The following ARHGAP39 variants were observed in gnomAD, a reference collection of about 807,000 sequenced individuals.
ARHGAP39 encodes Rho GTPase activating protein 39.
Under a neutral mutation model 106.9 loss-of-function variants are expected in ARHGAP39, and 44 were observed. The observed-to-expected ratio is 0.41, with a 90% CI of 0.32 to 0.53. ARHGAP39 has a LOEUF of 0.53. Among genes scored for constraint, ARHGAP39 ranks in the 20% least tolerant of loss-of-function variants. The probability of loss-of-function intolerance (pLI) is 0.21; values close to 1 mark genes in which losing one functional copy is unlikely to be tolerated. For synonymous variants in ARHGAP39, 768 were observed against 693.2 expected (o/e 1.11, Z -1.69); for missense variants, 1,496 against 1,577.3 (o/e 0.95, Z 0.87).
At position 144,647,781 on chromosome 8, in the gene ARHGAP39, G is replaced by A. The variant is rs1449152071; in HGVS notation, c.-82+37905C>T. On this transcript the variant is annotated intron_variant, in intron 1 of 11. Coordinates refer to ENST00000377307, the MANE Select transcript of ARHGAP39 (RefSeq NM_025251.3). This position sits in a 1 kb window ranked among gnomAD's most constrained non-coding sequence, Gnocchi z 4.8. ...CTGGAAGCCATGCATGCGTCCACGG[G>A]GACCCCAAGAGAGGGAACCAGAGGG... Among the ~76,000 whole-genome samples, 1 of 152,212 alleles carries A rather than the reference G, an allele frequency of 6.6e-6. No homozygotes were observed. Among genetic ancestry groups the A allele is most frequent in the East Asian group, 1.9e-4 (1 of 5,198 alleles).
the ARHGAP39 span, among the ~76,000 whole-genome samples, chr8:144,696,554 CG>C: frequency 6.6e-6 from 1 of 152,094 alleles, no homozygotes; most frequent in Non-Finnish European, 1.5e-5. Context: ...CTGAGTTGCC[CG>C]TCACGGTTAC....
chr8:144,550,909 T>C (rs954403472), intron 4 of ARHGAP39, among the ~76,000 whole-genome samples: 1 of 152,240 alleles, frequency 6.6e-6, no homozygotes, highest in Non-Finnish European at 1.5e-5. Context: ...TGTTGCTCTG[T>C]GGCTGCAAGG....
intron 1 of ARHGAP39, among the ~76,000 whole-genome samples, chr8:144,666,415 G>A (rs1821963831): frequency 6.6e-6 from 1 of 152,090 alleles, no homozygotes; most frequent in Non-Finnish European, 1.5e-5. Context: ...GAGGGGCCAG[G>A]GGTGGAATGA....
chr8:144,574,206 G>A (rs1818688922), intron 3 of ARHGAP39, among the ~76,000 whole-genome samples: 2 of 151,220 alleles, frequency 1.3e-5, no homozygotes, highest in South Asian at 2.1e-4. Context: ...GGAGGAGGGG[G>A]AAGAAGAAAT....
chr8:144,533,425 CTT>C (rs1333049364), intron 8 of ARHGAP39, 100 bp from the exon 9 acceptor site: 23 of 1,210,074 alleles, frequency 1.9e-5, no homozygotes, highest in Non-Finnish European at 1.3e-5. Flanking sequence ...GGGTGGCGCT[CTT>C]CAGAATTCCT....
At position 144,591,333 on chromosome 8, in the gene ARHGAP39, C is replaced by T. The variant is rs530859904; in HGVS notation, c.81-10056G>A. Among the ~76,000 whole-genome samples, 1 of 152,304 alleles carries T rather than the reference C, an allele frequency of 6.6e-6. No homozygotes were observed. The highest frequency in any genetic ancestry group is 2.4e-5 in the African/African-American group (1 of 41,572). ...AGGACAACGGCAGATGCAGCAGCCT[C>T]AGGGCACCCAAGGAAACCCCAAGAA... On this transcript the variant is annotated intron_variant, in intron 2 of 11. Transcript: ENST00000377307. The surrounding 1 kb of genome is among the most constrained non-coding windows in gnomAD (Gnocchi z 5.3).
rs201879096 is a variant in ARHGAP39 at position 144,547,091 on chromosome 8, G to C, written c.1959+36C>G. ...GTCCACTCTGACTGGGCTGGCCCCAGGCTCTCAAGCTCAGCCGCGCCCATT... is the reference window on the plus strand; with the variant it reads ...GTCCACTCTGACTGGGCTGGCCCCACGCTCTCAAGCTCAGCCGCGCCCATT... On this transcript the variant is annotated intron_variant, in intron 5 of 11. Transcript: ENST00000377307. The surrounding 1 kb of genome is among the most constrained non-coding windows in gnomAD (Gnocchi z 5.2). The C allele has an allele frequency of 2.2e-5, 33 of 1,524,326 alleles. No homozygotes were observed. The highest frequency in any genetic ancestry group is 2.8e-5 in the African/African-American group (2 of 72,472). The allele number at this position is 1,524,326 out of a possible 1,614,324, so 94.4% of individuals were successfully genotyped here.
At position 144,547,503 on chromosome 8, in the gene ARHGAP39, G is replaced by A. The variant is rs1208122246; in HGVS notation, c.1583C>T (p.Pro528Leu). 3 of 1,504,270 alleles carry A rather than the reference G, an allele frequency of 2.0e-6. No individual in the cohort carries two copies. Among genetic ancestry groups the A allele is most frequent in the East Asian group, 4.7e-5 (2 of 42,228 alleles). 93.2% of individuals were successfully genotyped at this position (1,504,270 alleles called of 1,614,324 possible). ...VEQPLAEEQPPCGTSLAPVKR... is the reference protein window; with the variant it reads ...VEQPLAEEQPLCGTSLAPVKR... ...CACGGGGGCGAGGCTGGTCCCGCACGGGGGCTGTTCCTCGGCCAGGGGCTG... is the reference window on the plus strand; with the variant it reads ...CACGGGGGCGAGGCTGGTCCCGCACAGGGGCTGTTCCTCGGCCAGGGGCTG... Residue 528 changes from proline to leucine, a missense_variant, in exon 5 of 12, where the codon CCG becomes CTG. This residue lies in a region of ARHGAP39 where 905 missense variants were observed against 816.4 expected (regional missense o/e 1.11). Transcript: ENST00000377307. The surrounding 1 kb of genome is among the most constrained non-coding windows in gnomAD (Gnocchi z 5.2).
chr8:144,547,877 C>T lies in ARHGAP39; in HGVS notation c.1209G>A (p.Gln403=), dbSNP rs1414760388. Residue 403 remains glutamine, a synonymous_variant, in exon 5 of 12, where the codon CAG becomes CAA. Transcript: ENST00000377307. This position sits in a 1 kb window ranked among gnomAD's most constrained non-coding sequence, Gnocchi z 5.2. ...EYVRQLVYVE[Q]AGSSPKLRAG... ...CGCGCAGCTTGGGGCTGGAGCCCGC[C>T]TGCTCCACGTAGACCAGCTGCCGCA... 5.7e-6 allele frequency: 9 copies of T among 1,584,854 alleles called. No homozygotes were observed. The highest frequency in any genetic ancestry group is 2.7e-5 in the African/African-American group (2 of 74,340).
upstream of ARHGAP39, among the ~76,000 whole-genome samples, chr8:144,685,924 C>A (rs1231304260): frequency 6.7e-6 from 1 of 150,356 alleles, no homozygotes; most frequent in East Asian, 2.0e-4. Flanking sequence ...CTACCCGCCG[C>A]CAGGGGGCAC....
Position 144,580,971 on chromosome 8 carries a change from G to A in ARHGAP39, c.387C>T (p.Ser129=), listed in dbSNP as rs1256681199. The A allele has an allele frequency of 1.2e-6, 2 of 1,600,396 alleles. No individual in the cohort carries two copies. Among genetic ancestry groups the A allele is most frequent in the Admixed American group, 1.7e-5 (1 of 58,802 alleles). The change falls in exon 3 of 12, where the codon AGC becomes AGT. Residue 129 remains serine (S), a synonymous_variant. Transcript: ENST00000377307. ...SAESSPGRGS[S]VSREGSTSSS... ...AGCTGGTGCTGCCCTCACGGCTGAC[G>A]CTGCTGCCGCGCCCGGGGCTGCTCT...
At chr8:144,621,636 G>C (rs934593084) in intron 1 of ARHGAP39, among the ~76,000 whole-genome samples, 2 of 152,228 alleles carry the variant, frequency 1.3e-5, no homozygotes, top group African/African-American at 2.4e-5. Context: ...GCGAAACATA[G>C]TGAAACCCCA....
Position 144,586,090 on chromosome 8 carries a change from T to C in ARHGAP39, c.81-4813A>G, listed in dbSNP as rs1819175238. On this transcript the variant is annotated intron_variant, in intron 2 of 11. Coordinates refer to ENST00000377307, the MANE Select transcript of ARHGAP39 (RefSeq NM_025251.3). This position sits in a 1 kb window ranked among gnomAD's most constrained non-coding sequence, Gnocchi z 4.2. The stretch of plus-strand genomic sequence containing the variant: ...ACCTCCCAGGTTTAAGCAGTTCTCC[T>C]GCCTCAGTCCCCCAAGTAGCTGGGA... Among the ~76,000 whole-genome samples, 1 of 152,216 alleles carries C rather than the reference T, an allele frequency of 6.6e-6. No homozygotes were observed. Among genetic ancestry groups the C allele is most frequent in the African/African-American group, 2.4e-5 (1 of 41,464 alleles).
At chr8:144,563,883 T>A (rs1338186253) in intron 3 of ARHGAP39, among the ~76,000 whole-genome samples, 1 of 152,254 alleles carries the variant, frequency 6.6e-6, no homozygotes, top group African/African-American at 2.4e-5. Context: ...CATTTCTTAA[T>A]GAATTCAACC....
At chr8:144,584,125 A>C (rs571469887) in intron 2 of ARHGAP39, 1 of 152,274 alleles carries the variant, frequency 6.6e-6, no homozygotes, top group Non-Finnish European at 1.5e-5. Flanking sequence ...AATTACTGGA[A>C]GTCTAAAGCC....
At chr8:144,532,158 G>A (rs890201762) in intron 10 of ARHGAP39, 147 bp downstream of exon 10, 241 of 715,664 alleles carry the variant, frequency 3.4e-4, no homozygotes, top group Non-Finnish European at 4.9e-4. Flanking sequence ...TGTCCAATGG[G>A]CAGAAGGGAG....
At chr8:144,605,029 C>A (rs981995219) in intron 2 of ARHGAP39, among the ~76,000 whole-genome samples, 2 of 152,118 alleles carry the variant, frequency 1.3e-5, no homozygotes, top group Non-Finnish European at 2.9e-5. Flanking sequence ...TGGGAGGCCT[C>A]GGCCTCCCAA....
At chr8:144,554,864 G>A (rs1249771677) in intron 4 of ARHGAP39, among the ~76,000 whole-genome samples, 1 of 152,182 alleles carries the variant, frequency 6.6e-6, no homozygotes, top group Non-Finnish European at 1.5e-5. Context: ...TCAATCGTCT[G>A]TGCAGAACGC....
At chr8:144,623,030 C>T (rs1311152638) in intron 1 of ARHGAP39, among the ~76,000 whole-genome samples, 1 of 152,262 alleles carries the variant, frequency 6.6e-6, no homozygotes, top group Non-Finnish European at 1.5e-5. Flanking sequence ...CACAGAAACA[C>T]AATATGCTGC....
Sources: allele counts gnomAD v4.1 joint callset (sites outside exome capture counted in the v4.1 genomes callset), GRCh38; gene constraint gnomAD v4.1.1; regional missense constraint gnomAD v4.1.1; non-coding constraint Gnocchi (gnomAD v3.1); transcripts MANE v1.5; gene names NCBI Gene and HGNC (gene_info 2026-07-23, HGNC 2026-07-21).